CCDC15: variants seen among roughly 807,000 people sequenced by gnomAD.
CCDC15 encodes the protein coiled-coil domain-containing protein 15.
CCDC15 carries 105 observed loss-of-function variants against 114.5 expected under a neutral mutation model. The observed-to-expected ratio is 0.92, with a 90% CI of 0.78 to 1.08. CCDC15 has a LOEUF of 1.08. Among genes scored for constraint, CCDC15 ranks in the 50% least tolerant of loss-of-function variants. The pLI is 0.00. For missense variants in CCDC15, 1,105 were observed against 1,093.6 expected (o/e 1.01, Z -0.15); for synonymous variants, 334 against 377.8 (o/e 0.88, Z 1.34).
intron 5 of CCDC15, among the ~76,000 whole-genome samples, chr11:124,975,799 T>C (rs1437814242): frequency 6.6e-6 from 1 of 152,196 alleles, no homozygotes; most frequent in Non-Finnish European, 1.5e-5. Flanking sequence ...GATTTTCTTC[T>C]GTTTTTTATT....
chr11:125,012,270 G>A (rs1029911987), intron 13 of CCDC15, among the ~76,000 whole-genome samples: 4 of 152,194 alleles, frequency 2.6e-5, no homozygotes, highest in Admixed American at 6.5e-5. Context: ...GATATGGTCA[G>A]AGACAGGCCA....
intron 2 of CCDC15, among the ~76,000 whole-genome samples, chr11:124,958,690 G>C (rs1037145081): frequency 6.6e-6 from 1 of 152,134 alleles, no homozygotes; most frequent in Non-Finnish European, 1.5e-5. Context: ...GAGTGTTGTG[G>C]AAGGTACTGG....
chr11:125,024,455 A>G (rs1450300825), intron 13 of CCDC15, among the ~76,000 whole-genome samples: 1 of 152,062 alleles, frequency 6.6e-6, no homozygotes, highest in Non-Finnish European at 1.5e-5. Context: ...TGACCCATTA[A>G]CATTTATATA....
chr11:125,006,950 A>G (rs78480187), intron 13 of CCDC15, among the ~76,000 whole-genome samples: 3,319 of 152,196 alleles, frequency 0.022, 65 homozygotes, highest in South Asian at 0.066. Context: ...ATTTTTATTG[A>G]TACATAATAA....
intron 5 of CCDC15, among the ~76,000 whole-genome samples, chr11:124,976,518 T>C (rs1463895624): frequency 1.3e-5 from 2 of 152,170 alleles, no homozygotes; most frequent in African/African-American, 4.8e-5. Context: ...TGTTGGTTTC[T>C]TGACAGTTTT....
Position 125,003,853 on chromosome 11 carries a change from G to A in CCDC15, c.2215-14G>A, listed in dbSNP as rs780168644. 4 of 1,482,078 alleles carry A rather than the reference G, an allele frequency of 2.7e-6. No homozygotes were observed. The highest frequency in any genetic ancestry group is 3.6e-6 in the Non-Finnish European group (4 of 1,102,414). The allele number at this position is 1,482,078 out of a possible 1,614,324, so 91.8% of individuals were successfully genotyped here. A position where few individuals can be genotyped will look rare whatever the true frequency, so the allele number is the denominator to read the frequency against. ...GTAATTTTGTCACTTTGTGTGACTG[G>A]ACCTTCTTAACAGGCTTATGATAGG... On this transcript the variant is annotated splice_polypyrimidine_tract_variant and intron_variant, in intron 11 of 15. Coordinates refer to ENST00000344762, the MANE Select transcript of CCDC15 (RefSeq NM_025004.3).
At chr11:125,003,359 T>C (rs1227293753) in intron 11 of CCDC15, among the ~76,000 whole-genome samples, 2 of 151,984 alleles carry the variant, frequency 1.3e-5, no homozygotes, top group Admixed American at 6.6e-5. Flanking sequence ...CAAGTAGATA[T>C]ACCAAGTTAT....
At chr11:124,956,808 A>G (rs146762260) in intron 2 of CCDC15, among the ~76,000 whole-genome samples, 203 of 152,322 alleles carry the variant, frequency 1.3e-3, no homozygotes, top group African/African-American at 4.6e-3. Flanking sequence ...TAGTCTGGGT[A>G]TCCACCCTTA....
At chr11:125,015,392 GGAAAGGGAACCAT>G (rs2135532117) in intron 13 of CCDC15, among the ~76,000 whole-genome samples, 1 of 152,140 alleles carries the variant, frequency 6.6e-6, no homozygotes, top group South Asian at 2.1e-4. Context: ...TATTAGGAAT[GGAAAGGGAACCAT>G]TACTACAGAG....
At chr11:125,013,703 AG>A (rs1368639276) in intron 13 of CCDC15, among the ~76,000 whole-genome samples, 1 of 152,218 alleles carries the variant, frequency 6.6e-6, no homozygotes, top group East Asian at 1.9e-4. Context: ...CAGATTTTTC[AG>A]GAAGCTAGTG....
chr11:125,000,018 C>T (rs1346181421), intron 11 of CCDC15, among the ~76,000 whole-genome samples: 5 of 151,652 alleles, frequency 3.3e-5, no homozygotes, highest in Non-Finnish European at 7.4e-5. Context: ...CCCACCACCA[C>T]GCCTGGCTAA....
chr11:124,994,406 T>C (rs1948327099), intron 11 of CCDC15, among the ~76,000 whole-genome samples: 1 of 152,222 alleles, frequency 6.6e-6, no homozygotes, highest in Admixed American at 6.5e-5. Flanking sequence ...TATCCTGATA[T>C]TATTATCCTA....
intron 13 of CCDC15, among the ~76,000 whole-genome samples, chr11:125,034,409 A>T (rs1345927800): frequency 6.6e-6 from 1 of 152,214 alleles, no homozygotes; most frequent in East Asian, 1.9e-4. Flanking sequence ...GCGTGATAAA[A>T]GCTTGTGTCT....
At chr11:125,036,462 G>A (rs1035246889) in intron 13 of CCDC15, among the ~76,000 whole-genome samples, 2 of 146,274 alleles carry the variant, frequency 1.4e-5, no homozygotes, top group Non-Finnish European at 3.0e-5. Flanking sequence ...TGTTATTTGG[G>A]TCAAATCTGC....
intron 4 of CCDC15, among the ~76,000 whole-genome samples, chr11:124,963,096 G>T (rs1165550252): frequency 6.6e-6 from 1 of 152,110 alleles, no homozygotes; most frequent in Non-Finnish European, 1.5e-5. Context: ...TGTGAATAGT[G>T]CTGCAATAAA....
intron 13 of CCDC15, among the ~76,000 whole-genome samples, chr11:125,020,908 C>T (rs1218182103): frequency 2.0e-5 from 3 of 151,760 alleles, no homozygotes; most frequent in Non-Finnish European, 2.9e-5. Flanking sequence ...GTGAATCTGA[C>T]CAAAGCTGTG....
intron 9 of CCDC15, among the ~76,000 whole-genome samples, chr11:124,992,280 A>G (rs547542027): frequency 6.6e-6 from 1 of 152,306 alleles, no homozygotes; most frequent in East Asian, 1.9e-4. Flanking sequence ...ATTATTCTTC[A>G]ACTCTTACCA....
rs563044560 is a variant in CCDC15 at position 125,016,573 on chromosome 11, T to G, written c.2411+11361T>G. Among the ~76,000 whole-genome samples the G allele has an allele frequency of 2.4e-4, 37 of 152,272 alleles. No homozygotes were observed. The South Asian group carries it at 2.5e-3, about 10-fold the overall frequency. On this transcript the variant is annotated intron_variant, in intron 13 of 15. Transcript: ENST00000344762. ...AGTTCACTGTCTCACCTAGGCCAGA[T>G]TTGTCTTATGATAGCCTAATCTTTT...
chr11:124,987,686 T>A lies in CCDC15; in HGVS notation c.1460T>A (p.Leu487His), dbSNP rs528994444. ...QNFLSRDQHV[L>H]PKDQDILPKY... is the part of the protein sequence containing the mutation. The stretch of plus-strand genomic sequence containing the variant: ...TTTTTATCTAGAGACCAGCATGTTC[T>A]CCCCAAAGACCAAGATATTCTGCCA... Residue 487 changes from leucine to histidine, a missense_variant, in exon 8 of 16, where the codon CTC (leucine) becomes CAC (histidine). Leu to His is a moderately conservative substitution (Grantham distance 99, BLOSUM62 -3). Coordinates refer to ENST00000344762, the MANE Select transcript of CCDC15 (RefSeq NM_025004.3). The A allele has an allele frequency of 2.5e-6, 4 of 1,613,914 alleles. No homozygotes were observed. The African/African-American group carries it at 5.3e-5, about 22-fold the overall frequency.
Sources: allele counts gnomAD v4.1 joint callset (sites outside exome capture counted in the v4.1 genomes callset), GRCh38; gene constraint gnomAD v4.1.1; transcripts MANE v1.5; gene names NCBI Gene and HGNC (gene_info 2026-07-23, HGNC 2026-07-21).